The following RIMBP2 variants were observed in gnomAD, a reference collection of about 807,000 sequenced individuals.
The protein encoded by RIMBP2 is RIMS-binding protein 2.
A neutral mutation model predicts 118.6 loss-of-function variants in RIMBP2; 48 were observed. The ratio of observed to expected loss-of-function variants is 0.40; its 90% CI spans 0.32 to 0.51. The LOEUF is 0.51. Among genes scored for constraint, RIMBP2 ranks in the 20% least tolerant of loss-of-function variants. The pLI is 0.41. For synonymous variants in RIMBP2, 762 were observed against 742.9 expected, an observed-to-expected ratio of 1.03 and a Z score of -0.42; for missense variants, 1,551 against 1,768.3, an observed-to-expected ratio of 0.88 and a Z score of 2.20.
intron 2 of RIMBP2, among the ~76,000 whole-genome samples, chr12:130,583,295 A>C (rs371506695): frequency 6.6e-6 from 1 of 152,164 alleles, no homozygotes; most frequent in Non-Finnish European, 1.5e-5. Flanking sequence ...AGGAAGATTA[A>C]ATAAGCTAAT....
intron 1 of RIMBP2, among the ~76,000 whole-genome samples, chr12:130,705,224 T>C (rs890302585): frequency 6.6e-6 from 1 of 152,110 alleles, no homozygotes; most frequent in Non-Finnish European, 1.5e-5. Flanking sequence ...AGGAAGAAGA[T>C]GCCTGCACAC....
chr12:130,656,766 G>A (rs932440219), intron 1 of RIMBP2, among the ~76,000 whole-genome samples: 6 of 152,278 alleles, frequency 3.9e-5, no homozygotes, highest in East Asian at 3.9e-4. Flanking sequence ...CTCATTAGCC[G>A]GGTGTGGTGG....
In RIMBP2 at chr12:130,436,970, C is replaced by T. The variant is rs1213386142; in HGVS notation, c.1978G>A (p.Val660Met). ...PVHGHMLEPP[V>M]GPGRRSPSPS... ...GAGGGCGACCGCCTTCCGGGGCCCA[C>T]GGGCGGCTCCAGCATGTGCCCATGC... The change falls in exon 13 of 23, where the codon GTG (valine) becomes ATG (methionine). Residue 660 changes from valine (V) to methionine (M), a missense_variant. Transcript: ENST00000690449. 6 of 1,608,162 alleles carry T rather than the reference C, an allele frequency of 3.7e-6. No homozygotes were observed. Among genetic ancestry groups the T allele is most frequent in the East Asian group, 2.2e-5 (1 of 44,710 alleles).
chr12:130,436,892 C>T lies in RIMBP2; in HGVS notation c.2056G>A (p.Ala686Thr), dbSNP rs201451845. ...PQGTPVSTTV[A>T]KAMAREAAQR... ...GCGGCCTCCCGGGCCATGGCCTTGG[C>T]GACGGTGGTGGACACCGGGGTGCCC... Residue 686 changes from alanine (A) to threonine (T), a missense_variant, in exon 13 of 23, where the codon GCC becomes ACC. Around this residue, in one of 5 missense-constraint regions of RIMBP2, gnomAD observed 1,038 missense variants for 1,125.1 expected, o/e 0.92. Transcript: ENST00000690449. 4.4e-6 allele frequency: 7 copies of T among 1,584,620 alleles called. No homozygotes were observed. Among genetic ancestry groups the T allele is most frequent in the African/African-American group, 4.1e-5 (3 of 74,074 alleles).
At chr12:130,603,703 A>T (rs7972304) in intron 2 of RIMBP2, among the ~76,000 whole-genome samples, 27,222 of 152,136 alleles carry the variant, frequency 0.18, 3,581 homozygotes, top group East Asian at 0.36. Flanking sequence ...AGCTCGCTGT[A>T]GCCCTATAGC....
chr12:130,686,223 C>T (rs1001776882), intron 1 of RIMBP2, among the ~76,000 whole-genome samples: 3 of 152,224 alleles, frequency 2.0e-5, no homozygotes, highest in East Asian at 1.9e-4. Context: ...TAAAACCCCT[C>T]CTTCTGGAGT....
rs147585930 is a variant in RIMBP2 at position 130,552,521 on chromosome 12, C to T, written c.-216-34604G>A. Among the ~76,000 whole-genome samples, 339 of 152,116 alleles carry T rather than the reference C, an allele frequency of 2.2e-3. 2 individuals carry two copies. The highest frequency in any genetic ancestry group is 7.8e-3 in the African/African-American group (324 of 41,474). ...AAAATGATAATGAGAGTGTTCTTTC[C>T]CTAAATAGTACTCCACTAAAATATG... On this transcript the variant is annotated intron_variant, in intron 2 of 22. Coordinates refer to ENST00000690449, the MANE Select transcript of RIMBP2 (RefSeq NM_001393629.1).
intron 1 of RIMBP2, among the ~76,000 whole-genome samples, chr12:130,704,679 A>C (rs1022277136): frequency 2.0e-4 from 31 of 152,174 alleles, no homozygotes; most frequent in African/African-American, 7.2e-4. Flanking sequence ...CACTTTCCAA[A>C]GGTGTTCCCT....
chr12:130,556,213 T>C (rs1317689613), intron 2 of RIMBP2, among the ~76,000 whole-genome samples: 1 of 152,200 alleles, frequency 6.6e-6, no homozygotes, highest in Non-Finnish European at 1.5e-5. Flanking sequence ...ACGTGCACTC[T>C]GTCTGCCCGG....
rs1351879656 is a variant in RIMBP2, at chr12:130,713,189, AGAAGGAAGGAAGGAAGGAAGATAGGAAG to A, written c.-352+3005_-352+3032del. Among the ~76,000 whole-genome samples, 9 of 110,938 alleles carry A rather than the reference AGAAGGAAGGAAGGAAGGAAGATAGGAAG, an allele frequency of 8.1e-5. 1 individual carries two copies. The highest frequency in any genetic ancestry group is 4.2e-4 in the Admixed American group (4 of 9,598). The allele number at this position is 110,938 out of a possible 152,430, so 72.8% of individuals were successfully genotyped here. ...AGTGAGAGAAGAAGGAAGGAAGGAAAGAAGGAAGGAAGGAAGGAAGATAGGAAGGAAGGAAGGAAGGAAGGAAGGAAGG... is the reference window on the plus strand; with the variant it reads ...AGTGAGAGAAGAAGGAAGGAAGGAAAGAAGGAAGGAAGGAAGGAAGGAAGG... On this transcript the variant is annotated intron_variant, in intron 1 of 22. Transcript: ENST00000690449.
intron 6 of RIMBP2, among the ~76,000 whole-genome samples, chr12:130,457,624 T>C (rs1464548547): frequency 6.6e-6 from 1 of 152,228 alleles, no homozygotes; most frequent in African/African-American, 2.4e-5. Context: ...CCCGCGTTCC[T>C]TTCTCCACTG....
intron 14 of RIMBP2, chr12:130,429,316 CA>C (rs11351623): frequency 0.99 from 150,661 of 152,240 alleles, 74,606 homozygotes; most frequent in Non-Finnish European, 1. Flanking sequence ...AAGGCTTCAA[CA>C]AAAAAAGTGT....
intron 1 of RIMBP2, among the ~76,000 whole-genome samples, chr12:130,644,892 A>G (rs1219287066): frequency 1.3e-5 from 2 of 152,190 alleles, no homozygotes; most frequent in African/African-American, 4.8e-5. Flanking sequence ...GGGTTTCCCC[A>G]CACAGGCCCC....
chr12:130,507,082 T>C (rs60216570), intron 3 of RIMBP2, among the ~76,000 whole-genome samples: 6,009 of 152,190 alleles, frequency 0.039, 381 homozygotes, highest in African/African-American at 0.14. Flanking sequence ...TGGTGATTGG[T>C]TGGGGAAGTC....
At chr12:130,490,652 G>A (rs1319536933) in intron 4 of RIMBP2, among the ~76,000 whole-genome samples, 2 of 152,174 alleles carry the variant, frequency 1.3e-5, no homozygotes, top group Non-Finnish European at 2.9e-5. Context: ...CAAGGGCCAG[G>A]AAACAACATC....
At chr12:130,601,713 T>G (rs568889208) in intron 2 of RIMBP2, among the ~76,000 whole-genome samples, 28 of 152,364 alleles carry the variant, frequency 1.8e-4, no homozygotes, top group African/African-American at 6.5e-4. Flanking sequence ...TTGATCTACT[T>G]CTTCAAAGAC....
chr12:130,569,400 A>T (rs2057465747), intron 2 of RIMBP2, among the ~76,000 whole-genome samples: 1 of 152,128 alleles, frequency 6.6e-6, no homozygotes, highest in South Asian at 2.1e-4. Flanking sequence ...CTTCTCCAAA[A>T]ACTCACCGCA....
chr12:130,630,099 T>G (rs1331133870), intron 1 of RIMBP2, among the ~76,000 whole-genome samples: 1 of 151,906 alleles, frequency 6.6e-6, no homozygotes, highest in Non-Finnish European at 1.5e-5. Context: ...AAAAGATAGT[T>G]GCTGAAATAA....
At position 130,420,349 on chromosome 12, in the gene RIMBP2, T is replaced by C. The variant is rs955360100; in HGVS notation, c.3238+2104A>G. Among the ~76,000 whole-genome samples, 2 of 129,214 alleles carry C rather than the reference T, an allele frequency of 1.5e-5. No homozygotes were observed. Among genetic ancestry groups the C allele is most frequent in the Admixed American group, 2.0e-4 (2 of 9,902 alleles). 84.8% of individuals were successfully genotyped at this position (129,214 alleles called of 152,430 possible). A position where few individuals can be genotyped will look rare whatever the true frequency, so the allele number is the denominator to read the frequency against. The stretch of plus-strand genomic sequence containing the variant: ...CAGCACAATTAAAGCAAACCTATCA[T>C]AGGTTTGTCAGTTAACTCTTTTCTG... On this transcript the variant is annotated intron_variant, in intron 17 of 22. Transcript: ENST00000690449. The surrounding 1 kb of genome is among the most constrained non-coding windows in gnomAD (Gnocchi z 4.3).
Sources: allele counts gnomAD v4.1 joint callset (sites outside exome capture counted in the v4.1 genomes callset), GRCh38; gene constraint gnomAD v4.1.1; regional missense constraint gnomAD v4.1.1; non-coding constraint Gnocchi (gnomAD v3.1); transcripts MANE v1.5; gene names NCBI Gene and HGNC (gene_info 2026-07-23, HGNC 2026-07-21).